GHR: variants seen among roughly 807,000 people sequenced by gnomAD.
GHR encodes the protein growth hormone receptor, also known as GH receptor.
Under a neutral mutation model 67.1 loss-of-function variants are expected in GHR, and 35 were observed. That is an observed-to-expected ratio of 0.52 (90% confidence interval 0.40 to 0.69). The LOEUF (loss-of-function observed/expected upper bound fraction) is 0.69, where lower values mean the gene tolerates loss of function less well. Among genes scored for constraint, GHR ranks in the 30% least tolerant of loss-of-function variants. The probability of loss-of-function intolerance (pLI) is 0.00; values close to 1 mark genes in which losing one functional copy is unlikely to be tolerated. For synonymous variants in GHR, 272 were observed against 269.1 expected, an observed-to-expected ratio of 1.01 and a Z score of -0.10; for missense variants, 792 against 764.6, an observed-to-expected ratio of 1.04 and a Z score of -0.42.
intron 1 of GHR, among the ~76,000 whole-genome samples, chr5:42,559,522 G>T (rs1017586062): frequency 6.6e-6 from 1 of 152,186 alleles, no homozygotes; most frequent in African/African-American, 2.4e-5. Context: ...CTCCCAACCT[G>T]GGTGGCAGAG....
chr5:42,639,065 A>T (rs1407862020), intron 3 of GHR, among the ~76,000 whole-genome samples: 1 of 152,196 alleles, frequency 6.6e-6, no homozygotes, highest in Admixed American at 6.5e-5. Context: ...GTATTATTAA[A>T]GATACTCCAT....
chr5:42,631,268 C>T (rs1296360723), intron 3 of GHR, among the ~76,000 whole-genome samples: 1 of 152,150 alleles, frequency 6.6e-6, no homozygotes, highest in African/African-American at 2.4e-5. Context: ...AGACGACTAG[C>T]TAATTATCAT....
At chr5:42,688,456 G>A (rs1203364586) in intron 3 of GHR, among the ~76,000 whole-genome samples, 1 of 152,098 alleles carries the variant, frequency 6.6e-6, no homozygotes, top group East Asian at 1.9e-4. Flanking sequence ...CTTCTCAAAG[G>A]AGCCTCAGAG....
At chr5:42,539,098 A>G (rs1748388213) in intron 1 of GHR, among the ~76,000 whole-genome samples, 1 of 151,698 alleles carries the variant, frequency 6.6e-6, no homozygotes, top group South Asian at 2.1e-4. Flanking sequence ...ATTTCGTTGT[A>G]TCAGATTTCC....
At position 42,448,200 on chromosome 5, in the gene GHR, C is replaced by T. The variant is rs139296764; in HGVS notation, c.-12+24245C>T. Among the ~76,000 whole-genome samples, 1,393 of 152,278 alleles carry T rather than the reference C, an allele frequency of 9.1e-3. 20 individuals are homozygous for T. Among genetic ancestry groups the T allele is most frequent in the African/African-American group, 0.032 (1,317 of 41,554 alleles). On this transcript the variant is annotated intron_variant, in intron 1 of 9. Transcript: ENST00000230882. ...TTTCCATAGCGGCTGTACTAGTTTA[C>T]ATTCCCACCAGTAGCGTAAAAGGGT... is the stretch of plus-strand genomic sequence containing the variant.
chr5:42,441,105 G>C (rs1257811781), intron 1 of GHR, among the ~76,000 whole-genome samples: 1 of 152,194 alleles, frequency 6.6e-6, no homozygotes, highest in African/African-American at 2.4e-5. Flanking sequence ...GTGAGATCAT[G>C]TACAGAGTGA....
In GHR at chr5:42,679,406, C is replaced by A. The variant is rs534831449; in HGVS notation, c.137-9484C>A. The stretch of plus-strand genomic sequence containing the variant: ...CTTTGGGAGGCCGAGGTGGGTGGAT[C>A]CCGAGGTCAAGAGATTGAGACCATC... On this transcript the variant is annotated intron_variant, in intron 3 of 9. Coordinates refer to ENST00000230882, the MANE Select transcript of GHR (RefSeq NM_000163.5). 3.9e-3 allele frequency among the ~76,000 whole-genome samples: 591 copies of A among 151,628 alleles called. 2 individuals are homozygous for A. Among genetic ancestry groups the A allele is most frequent in the African/African-American group, 0.013 (553 of 41,396 alleles).
chr5:42,468,845 C>A lies in GHR; in HGVS notation c.-12+44890C>A, dbSNP rs933344324. 6.3e-6 allele frequency: 6 copies of A among 948,094 alleles called. 1 individual carries two copies. The Admixed American group carries it at 1.0e-4, about 16-fold the overall frequency. 58.7% of individuals were successfully genotyped at this position (948,094 alleles called of 1,614,324 possible). A position where few individuals can be genotyped will look rare whatever the true frequency, so the allele number is the denominator to read the frequency against. ...CGGTTGGTGACCAGGCAGCTGAAGC[C>A]TTCCTGTAACTGCCCAGGCATGATG... On this transcript the variant is annotated intron_variant, in intron 1 of 9. Coordinates refer to ENST00000230882, the MANE Select transcript of GHR (RefSeq NM_000163.5).
chr5:42,534,193 C>CATATGTATATATGTATGTATATATGTAT (rs1748121530), intron 1 of GHR, among the ~76,000 whole-genome samples: 8 of 115,958 alleles, frequency 6.9e-5, no homozygotes, highest in Admixed American at 1.7e-4. Flanking sequence ...TATATATGTA[C>CATATGTATATATGTATGTATATATGTAT]ATGTGTATAT....
chr5:42,428,600 C>T lies in GHR; in HGVS notation c.-12+4645C>T, dbSNP rs1436826787. On this transcript the variant is annotated intron_variant, in intron 1 of 9. Transcript: ENST00000230882. ...TTCCAAACTTTTATGCTCTTTTCAC[C>T]TCTTGAATGCTTTGCTGCTTCTAAA... is the stretch of plus-strand genomic sequence containing the variant. 2.0e-5 allele frequency among the ~76,000 whole-genome samples: 3 copies of T among 152,122 alleles called. No homozygotes were observed. The East Asian group carries it at 5.8e-4, about 29-fold the overall frequency.
intron 1 of GHR, among the ~76,000 whole-genome samples, chr5:42,564,708 A>T (rs941857059): frequency 1.3e-5 from 2 of 152,194 alleles, no homozygotes. Flanking sequence ...AGGCCCATGG[A>T]AAAAAACATC....
chr5:42,705,134 A>G (rs1238959904), intron 6 of GHR, among the ~76,000 whole-genome samples: 1 of 152,016 alleles, frequency 6.6e-6, no homozygotes, highest in African/African-American at 2.4e-5. Flanking sequence ...AAATTATGGA[A>G]CCATCTCAAT....
chr5:42,428,814 A>G (rs1242478161), intron 1 of GHR, among the ~76,000 whole-genome samples: 12 of 152,162 alleles, frequency 7.9e-5, no homozygotes, highest in Non-Finnish European at 1.5e-5. Flanking sequence ...CCATATCACT[A>G]TAAGCATTTT....
At chr5:42,432,211 T>C (rs1226383351) in intron 1 of GHR, among the ~76,000 whole-genome samples, 2 of 152,234 alleles carry the variant, frequency 1.3e-5, no homozygotes, top group African/African-American at 2.4e-5. Context: ...GAAAAATCCT[T>C]ATTCTTTTCT....
At chr5:42,604,683 A>G (rs1752536824) in intron 2 of GHR, among the ~76,000 whole-genome samples, 1 of 149,774 alleles carries the variant, frequency 6.7e-6, no homozygotes, top group African/African-American at 2.5e-5. Context: ...TGAGCCAGGA[A>G]CTGTGGACAA....
chr5:42,694,874 T>C, intron 4 of GHR, 43 bp from the exon 5 acceptor site: 1 of 1,445,656 alleles, frequency 6.9e-7, no homozygotes, highest in Non-Finnish European at 9.7e-7. Flanking sequence ...AGCTACAACA[T>C]GATTTTTGGA....
At position 42,427,737 on chromosome 5, in the gene GHR, A is replaced by G. The variant is rs536639892; in HGVS notation, c.-12+3782A>G. Among the ~76,000 whole-genome samples the G allele has an allele frequency of 4.0e-3, 604 of 152,328 alleles. 4 individuals carry two copies. The highest frequency in any genetic ancestry group is 7.0e-3 in the Non-Finnish European group (474 of 68,022). ...CCTATGAGCCTGTAAAATCAAAAGC[A>G]AGTTAGTTACTTTCTAGATACAATG... On this transcript the variant is annotated intron_variant, in intron 1 of 9. Transcript: ENST00000230882.
At chr5:42,560,405 G>A (rs2112454333) in intron 1 of GHR, among the ~76,000 whole-genome samples, 1 of 152,260 alleles carries the variant, frequency 6.6e-6, no homozygotes, top group Admixed American at 6.5e-5. Context: ...TGTTGGCCAG[G>A]ATGGTCTCAA....
intron 2 of GHR, among the ~76,000 whole-genome samples, chr5:42,608,091 C>T (rs1752713301): frequency 6.6e-6 from 1 of 152,160 alleles, no homozygotes; most frequent in South Asian, 2.1e-4. Flanking sequence ...ATGAGCAAAT[C>T]ACTTCATCTC....
Sources: allele counts gnomAD v4.1 joint callset (sites outside exome capture counted in the v4.1 genomes callset), GRCh38; gene constraint gnomAD v4.1.1; transcripts MANE v1.5; gene names NCBI Gene and HGNC (gene_info 2026-07-23, HGNC 2026-07-21).